KLRC4: variants seen among roughly 807,000 people sequenced by gnomAD.
The protein encoded by KLRC4 is NKG2-F type II integral membrane protein.
In KLRC4, 6 loss-of-function variants were observed where a neutral mutation model predicts 14.3. The ratio of observed to expected loss-of-function variants is 0.42; its 90% CI spans 0.23 to 0.83. The LOEUF (loss-of-function observed/expected upper bound fraction) is 0.83, where lower values mean the gene tolerates loss of function less well. KLRC4 is among the 40% of genes least tolerant of loss of function. The pLI is 0.29. For missense variants in KLRC4, 158 were observed against 179.4 expected, an observed-to-expected ratio of 0.88 and a Z score of 0.68; for synonymous variants, 53 against 60.5, an observed-to-expected ratio of 0.88 and a Z score of 0.57.
intron 2 of KLRC4, 117 bp downstream of exon 2, chr12:10,408,795 G>T (rs1591597682): frequency 8.2e-7 from 1 of 1,223,646 alleles, no homozygotes; most frequent in Non-Finnish European, 1.1e-6. Flanking sequence ...ATTATCTTGG[G>T]GTTCAGAGAT....
chr12:10,409,068 T>C, intron 1 of KLRC4, 58 bp from the exon 2 acceptor site: 1 of 1,590,660 alleles, frequency 6.3e-7, no homozygotes, highest in Non-Finnish European at 8.6e-7. Flanking sequence ...TGAGAAGGTT[T>C]ACGTACAAGA....
At chr12:10,408,407 C>T (rs750709211) in intron 2 of KLRC4, 25 bp from the exon 3 acceptor site, 1 of 1,146,018 alleles carries the variant, frequency 8.7e-7, no homozygotes, top group East Asian at 2.5e-5. Flanking sequence ...GTGATTCTTA[C>T]AAAATTAATA....
intron 3 of KLRC4, 58 bp from the exon 4 acceptor site, chr12:10,407,847 T>G: frequency 6.4e-7 from 1 of 1,559,196 alleles, no homozygotes; most frequent in East Asian, 2.2e-5. Context: ...AAAATTATTT[T>G]ATATATTTGC....
At position 10,408,382 on chromosome 12, in the gene KLRC4, C is replaced by G. The variant is rs1392235742; in HGVS notation, c.287G>C (p.Cys96Ser). The G allele has an allele frequency of 7.1e-7, 1 of 1,411,652 alleles. No homozygotes were observed. The highest frequency in any genetic ancestry group is 1.9e-5 in the Admixed American group (1 of 51,466). 87.4% of individuals were successfully genotyped at this position (1,411,652 alleles called of 1,614,324 possible). The change falls in exon 3 of 4, where the codon TGT becomes TCT. Residue 96 changes from cysteine to serine, a missense_variant and splice_region_variant. By Grantham distance (112) the Cys-to-Ser change is moderately radical. Transcript: ENST00000309384. ...ATTGTTCTGCTCCAGTACTCCAATA[C>G]CTAGAAAAATTAAAGTGATTCTTAC... ...TVLKTIVLIP[C>S]IGVLEQNNFS...
chr12:10,409,401 A>G lies in KLRC4; in HGVS notation c.175T>C (p.Tyr59His). The change falls in exon 1 of 4, where the codon TAT (tyrosine) becomes CAT (histidine). Residue 59 changes from tyrosine to histidine, a missense_variant. Transcript: ENST00000309384. The stretch of plus-strand genomic sequence containing the variant: ...TTTAATGTTTTACCTTTGCAGTGAT[A>G]TGTCTTGTCATTCCCTTGATGATCC... ...SSDHQGNDKT[Y>H]HCKGLLPPPE... 1 of 1,609,572 alleles carries G rather than the reference A, an allele frequency of 6.2e-7. No individual in the cohort carries two copies. Among genetic ancestry groups the G allele is most frequent in the African/African-American group, 1.3e-5 (1 of 75,022 alleles).
Position 10,409,511 on chromosome 12 carries a change from C to T in KLRC4, c.65G>A (p.Arg22Lys), listed in dbSNP as rs2137849390. ...SLAQDPKRQQ[R>K]KLKGNKISIS... ...GGAGATTTTATTGCCCTTAAGTTTCCTTTGCTGCCTCTTTGGGTCCTGGGC... is the reference window on the plus strand; with the variant it reads ...GGAGATTTTATTGCCCTTAAGTTTCTTTTGCTGCCTCTTTGGGTCCTGGGC... Residue 22 changes from arginine (R) to lysine (K), a missense_variant, in exon 1 of 4, where the codon AGG becomes AAG. Transcript: ENST00000309384. 6.2e-7 allele frequency: 1 copy of T among 1,613,938 alleles called. No homozygotes were observed. Among genetic ancestry groups the T allele is most frequent in the South Asian group, 1.1e-5 (1 of 91,074 alleles).
intron 3 of KLRC4, 75 bp downstream of exon 3, chr12:10,408,254 T>TAGAG: frequency 1.1e-6 from 1 of 874,238 alleles, no homozygotes; most frequent in Non-Finnish European, 1.9e-6. Context: ...CAAAACATTT[T>TAGAG]ATTATCATTT....
At chr12:10,408,888 A>C (rs758505884) in intron 2 of KLRC4, 24 bp downstream of exon 2, 17 of 1,613,168 alleles carry the variant, frequency 1.1e-5, no homozygotes, top group Non-Finnish European at 1.4e-5. Context: ...AAGTTCCCTT[A>C]TAATCTTTCA....
In KLRC4 at chr12:10,409,473, T is replaced by C. The variant is rs773054722; in HGVS notation, c.103A>G (p.Lys35Glu). The C allele has an allele frequency of 4.3e-6, 7 of 1,613,792 alleles. No homozygotes were observed. The highest frequency in any genetic ancestry group is 1.6e-4 in the Middle Eastern group (1 of 6,082). The change falls in exon 1 of 4, where the codon AAA (lysine) becomes GAA (glutamate). Residue 35 changes from lysine (K) to glutamate (E), a missense_variant. Physicochemically the swap from Lys to Glu is moderately conservative, Grantham distance 56. Transcript: ENST00000309384. The part of the protein sequence containing the change: ...KGNKISISGT[K>E]QEIFQVELNL... The stretch of plus-strand genomic sequence containing the variant: ...AATTCTACTTGGAATATTTCCTGTT[T>C]GGTTCCTGAAATGGAGATTTTATTG...
In KLRC4 at chr12:10,409,521, T is replaced by G. The variant is rs571447859; in HGVS notation, c.55A>C (p.Arg19=). The G allele has an allele frequency of 3.0e-5, 49 of 1,614,082 alleles. No individual in the cohort carries two copies. In the South Asian group the frequency reaches 4.8e-4, roughly 16 times the overall value. ...TTGCCCTTAAGTTTCCTTTGCTGCC[T>G]CTTTGGGTCCTGGGCCAGACTCACT... ...SEVSLAQDPK[R]QQRKLKGNKI... The change falls in exon 1 of 4, where the codon AGG becomes CGG. Residue 19 remains arginine (R), a synonymous_variant. Coordinates refer to ENST00000309384, the MANE Select transcript of KLRC4 (RefSeq NM_013431.2).
Position 10,409,018 on chromosome 12 carries a change from G to A in KLRC4, c.188-8C>T, listed in dbSNP as rs745493723. ...CTGGAGGTGGCAGTAAACCTGCAGG[G>A]AGAGAAAGAGGCACTGAGAGAGGGG... On this transcript the variant is annotated splice_region_variant and splice_polypyrimidine_tract_variant and intron_variant, in intron 1 of 3. Coordinates refer to ENST00000309384, the MANE Select transcript of KLRC4 (RefSeq NM_013431.2). The A allele has an allele frequency of 1.2e-6, 2 of 1,613,658 alleles. No individual in the cohort carries two copies. Among genetic ancestry groups the A allele is most frequent in the East Asian group, 2.2e-5 (1 of 44,870 alleles).
In KLRC4 at chr12:10,408,897, C is replaced by T; in HGVS notation, c.286+15G>A. 6.2e-7 allele frequency: 1 copy of T among 1,613,340 alleles called. No individual in the cohort carries two copies. ...AGTGAAAAGTTCCCTTATAATCTTT[C>T]AAGAATATGCTTACAAGGAATAAGA... On this transcript the variant is annotated intron_variant, in intron 2 of 3. Transcript: ENST00000309384.
chr12:10,407,543 G>A lies in KLRC4; in HGVS notation c.*110C>T. On this transcript the variant is annotated 3_prime_UTR_variant, in exon 4 of 4. Coordinates refer to ENST00000309384, the MANE Select transcript of KLRC4 (RefSeq NM_013431.2). ...CTACACAGACTTAAAAATATATGAA[G>A]TAAATATATGTATAAACATATGGAT... 3 of 1,284,010 alleles carry A rather than the reference G, an allele frequency of 2.3e-6. No individual in the cohort carries two copies. The highest frequency in any genetic ancestry group is 3.2e-6 in the Non-Finnish European group (3 of 932,622). The allele number at this position is 1,284,010 out of a possible 1,614,324, so 79.5% of individuals were successfully genotyped here. A position where few individuals can be genotyped will look rare whatever the true frequency, so the allele number is the denominator to read the frequency against.
Position 10,407,525 on chromosome 12 carries a change from G to T in KLRC4, c.*128C>A. 8.8e-7 allele frequency: 1 copy of T among 1,132,082 alleles called. No individual in the cohort carries two copies. Among genetic ancestry groups the T allele is most frequent in the Non-Finnish European group, 1.2e-6 (1 of 806,108 alleles). The allele number at this position is 1,132,082 out of a possible 1,614,324, so 70.1% of individuals were successfully genotyped here. A position where few individuals can be genotyped will look rare whatever the true frequency, so the allele number is the denominator to read the frequency against. ...TATGAAGTCAGTTGAATACTACACAGACTTAAAAATATATGAAGTAAATAT... is the reference window on the plus strand; with the variant it reads ...TATGAAGTCAGTTGAATACTACACATACTTAAAAATATATGAAGTAAATAT... On this transcript the variant is annotated 3_prime_UTR_variant, in exon 4 of 4. Coordinates refer to ENST00000309384, the MANE Select transcript of KLRC4 (RefSeq NM_013431.2).
Position 10,409,388 on chromosome 12 carries a change from C to T in KLRC4, c.187+1G>A, listed in dbSNP as rs1565500508. On this transcript the variant is annotated splice_donor_variant, in intron 1 of 3. Transcript: ENST00000309384. LOFTEE classifies it high-confidence loss of function. ...TATTGAAGATCTATTTAATGTTTTA[C>T]CTTTGCAGTGATATGTCTTGTCATT... The T allele has an allele frequency of 1.2e-6, 2 of 1,605,704 alleles. No individual in the cohort carries two copies. The highest frequency in any genetic ancestry group is 8.5e-7 in the Non-Finnish European group (1 of 1,172,272).
intron 1 of KLRC4, 84 bp from the exon 2 acceptor site, chr12:10,409,094 G>GA: frequency 1.4e-6 from 2 of 1,432,910 alleles, no homozygotes; most frequent in South Asian, 2.3e-5. Context: ...CACGTGCACA[G>GA]GAAAACATAA....
rs547295842 is a variant in KLRC4 at position 10,408,820 on chromosome 12, G to C, written c.286+92C>G. The C allele has an allele frequency of 2.0e-6, 3 of 1,510,796 alleles. No homozygotes were observed. The East Asian group carries it at 6.8e-5, about 34-fold the overall frequency. The allele number at this position is 1,510,796 out of a possible 1,614,324, so 93.6% of individuals were successfully genotyped here. On this transcript the variant is annotated intron_variant, in intron 2 of 3. Coordinates refer to ENST00000309384, the MANE Select transcript of KLRC4 (RefSeq NM_013431.2). ...GGTTCAGAGATATACATTAAACAGA[G>C]AATTCTAATCCTCATTATTATGAAA... is the stretch of plus-strand genomic sequence containing the variant.
In KLRC4 at chr12:10,407,777, C is replaced by T. The variant is rs889662841; in HGVS notation, c.353G>A (p.Gly118Asp). ...TGTAATCCACTCCTCAGGACAATGG[C>T]CACAATGACGTGCTAAATAAAAATA... is the stretch of plus-strand genomic sequence containing the variant. ...NRRMQKARHC[G>D]HCPEEWITYS... The change falls in exon 4 of 4, where the codon GGC (glycine) becomes GAC (aspartate). Residue 118 changes from glycine (G) to aspartate (D), a missense_variant. Physicochemically the swap from Gly to Asp is moderately conservative, Grantham distance 94 (BLOSUM62 -1). Coordinates refer to ENST00000309384, the MANE Select transcript of KLRC4 (RefSeq NM_013431.2). 1.2e-6 allele frequency: 2 copies of T among 1,605,584 alleles called. No individual in the cohort carries two copies.
chr12:10,408,808 A>C, intron 2 of KLRC4, 104 bp downstream of exon 2: 1 of 1,398,050 alleles, frequency 7.2e-7, no homozygotes, highest in Non-Finnish European at 1.0e-6. Context: ...TCAGAGATAT[A>C]CATTAAACAG....
Sources: allele counts gnomAD v4.1 joint callset, GRCh38; gene constraint gnomAD v4.1.1; transcripts MANE v1.5; gene names NCBI Gene and HGNC (gene_info 2026-07-23, HGNC 2026-07-21).